TIAM1: variants seen among roughly 807,000 people sequenced by gnomAD.
TIAM1 encodes the protein TIAM Rac1 associated GEF 1.
In TIAM1, 65 loss-of-function variants were observed where a neutral mutation model predicts 163.5. The ratio of observed to expected loss-of-function variants is 0.40; its 90% CI spans 0.33 to 0.49. The LOEUF is 0.49. Among genes scored for constraint, TIAM1 ranks in the 20% least tolerant of loss-of-function variants. TIAM1 has a pLI of 0.77. For missense variants in TIAM1, 1,789 were observed against 2,044.7 expected (o/e 0.87, Z 2.41); for synonymous variants, 833 against 810.1 (o/e 1.03, Z -0.48).
intron 9 of TIAM1, among the ~76,000 whole-genome samples, chr21:31,214,664 A>G (rs575049359): frequency 1.4e-4 from 21 of 152,348 alleles, no homozygotes; most frequent in African/African-American, 4.8e-4. Flanking sequence ...GCCACTAGGT[A>G]AGGAAACTCA....
At chr21:31,433,526 A>T (rs920590637) in intron 2 of TIAM1, among the ~76,000 whole-genome samples, 1 of 152,242 alleles carries the variant, frequency 6.6e-6, no homozygotes, top group Non-Finnish European at 1.5e-5. Flanking sequence ...AAGCTAGGGC[A>T]ATGCATACCA....
chr21:31,258,602 C>T lies in TIAM1; in HGVS notation c.964-6413G>A, dbSNP rs374251463. 2.2e-3 allele frequency among the ~76,000 whole-genome samples: 335 copies of T among 152,144 alleles called. 1 individual carries two copies. The highest frequency in any genetic ancestry group is 7.6e-3 in the African/African-American group (317 of 41,520). On this transcript the variant is annotated intron_variant, in intron 4 of 27. Coordinates refer to ENST00000541036, the MANE Select transcript of TIAM1 (RefSeq NM_001353694.2). ...ATCCCAGCACTTTGGGAGGCCAAGG[C>T]GGGTGGATCACGAAGTCAAGAGATC...
chr21:31,133,119 T>A (rs1208007156), intron 23 of TIAM1, among the ~76,000 whole-genome samples: 1 of 152,178 alleles, frequency 6.6e-6, no homozygotes, highest in Non-Finnish European at 1.5e-5. Flanking sequence ...ACCTCTTCCT[T>A]ATTTCAACTC....
chr21:31,295,949 C>T (rs1183591851), intron 2 of TIAM1, among the ~76,000 whole-genome samples: 3 of 152,150 alleles, frequency 2.0e-5, no homozygotes, highest in Non-Finnish European at 2.9e-5. Context: ...AGGCATACAA[C>T]ACCGCTCCTG....
chr21:31,546,200 AAAC>A (rs2048482313), intron 1 of TIAM1, among the ~76,000 whole-genome samples: 1 of 151,570 alleles, frequency 6.6e-6, no homozygotes, highest in Admixed American at 6.6e-5. Context: ...AAAAAAAAAA[AAAC>A]TGTGATGGAA....
intron 2 of TIAM1, among the ~76,000 whole-genome samples, chr21:31,424,303 T>C (rs2043704004): frequency 6.6e-6 from 1 of 152,188 alleles, no homozygotes; most frequent in African/African-American, 2.4e-5. Flanking sequence ...TTGTCTACGA[T>C]CTCACAGCCA....
chr21:31,528,984 C>G (rs1412981014), intron 1 of TIAM1, among the ~76,000 whole-genome samples: 1 of 145,806 alleles, frequency 6.9e-6, no homozygotes, highest in South Asian at 2.2e-4. Context: ...TGCAGTGGCG[C>G]GATCTCAGCT....
chr21:31,517,546 G>T (rs961532030), intron 1 of TIAM1, among the ~76,000 whole-genome samples: 1 of 152,128 alleles, frequency 6.6e-6, no homozygotes, highest in African/African-American at 2.4e-5. Flanking sequence ...GAAAACACAC[G>T]CAGAAGAGGA....
At chr21:31,401,517 C>T (rs568490007) in intron 2 of TIAM1, among the ~76,000 whole-genome samples, 2 of 152,320 alleles carry the variant, frequency 1.3e-5, no homozygotes, top group East Asian at 3.9e-4. Flanking sequence ...AACAATCCCA[C>T]CTTTTGGAGA....
At chr21:31,465,733 G>A (rs1339124816) in intron 1 of TIAM1, among the ~76,000 whole-genome samples, 1 of 152,186 alleles carries the variant, frequency 6.6e-6, no homozygotes, top group Non-Finnish European at 1.5e-5. Context: ...ACCATGCCCA[G>A]CGAATTTTTT....
chr21:31,136,501 T>A (rs201677316), intron 22 of TIAM1, among the ~76,000 whole-genome samples: 2 of 142,626 alleles, frequency 1.4e-5, no homozygotes, highest in Admixed American at 1.4e-4. Flanking sequence ...AAAAAAAAAA[T>A]CCTTTAATTC....
intron 15 of TIAM1, among the ~76,000 whole-genome samples, 175 bp downstream of exon 15, chr21:31,182,246 G>C (rs759449507): frequency 6.6e-6 from 1 of 152,192 alleles, no homozygotes; most frequent in African/African-American, 2.4e-5. Flanking sequence ...AGTTCCCTGC[G>C]CCTTTGAAAT....
At chr21:31,223,970 CG>C (rs768998626) in intron 7 of TIAM1, among the ~76,000 whole-genome samples, 3 of 152,016 alleles carry the variant, frequency 2.0e-5, no homozygotes, top group Non-Finnish European at 4.4e-5. Context: ...AAAAGTGAGA[CG>C]AATGAAAGGC....
chr21:31,436,674 T>C (rs1257862216), intron 2 of TIAM1, among the ~76,000 whole-genome samples: 4 of 151,308 alleles, frequency 2.6e-5, no homozygotes, highest in Non-Finnish European at 5.9e-5. Flanking sequence ...TAAAAAAATA[T>C]AGGCCAGGAG....
intron 1 of TIAM1, among the ~76,000 whole-genome samples, chr21:31,469,119 G>A (rs561847310): frequency 2.9e-3 from 330 of 114,106 alleles, no homozygotes; most frequent in Non-Finnish European, 4.4e-3. Flanking sequence ...GTCTCATTCT[G>A]TCACCCAGGC....
At chr21:31,467,625 CAA>C (rs532938830) in intron 1 of TIAM1, among the ~76,000 whole-genome samples, 2 of 125,574 alleles carry the variant, frequency 1.6e-5, no homozygotes, top group Non-Finnish European at 1.7e-5. Flanking sequence ...GGCTCCATCT[CAA>C]AAAAAAAAAG....
intron 6 of TIAM1, among the ~76,000 whole-genome samples, chr21:31,232,152 A>T (rs932930902): frequency 6.6e-6 from 1 of 151,854 alleles, no homozygotes; most frequent in South Asian, 2.1e-4. Flanking sequence ...AAAAGAAAAA[A>T]TAATTATAAA....
intron 5 of TIAM1, 43 bp downstream of exon 5, chr21:31,251,699 T>C (rs1186248808): frequency 1.3e-5 from 20 of 1,533,348 alleles, no homozygotes; most frequent in Non-Finnish European, 1.7e-5. Flanking sequence ...GGGGCACCTC[T>C]ATTGGTGCAT....
At chr21:31,322,448 T>TGGGGGGGGG (rs386394590) in intron 2 of TIAM1, among the ~76,000 whole-genome samples, 6 of 136,506 alleles carry the variant, frequency 4.4e-5, no homozygotes, top group Admixed American at 7.5e-5. Context: ...CCTCTATGGG[T>TGGGGGGGGG]GGGGGGGGGT....
Sources: allele counts gnomAD v4.1 joint callset (sites outside exome capture counted in the v4.1 genomes callset), GRCh38; gene constraint gnomAD v4.1.1; transcripts MANE v1.5; gene names NCBI Gene and HGNC (gene_info 2026-07-23, HGNC 2026-07-21).